Variants in RASGRP3 observed in about 807,000 individuals in gnomAD.
RASGRP3 encodes the protein RAS guanyl releasing protein 3.
Under a neutral mutation model 82.7 loss-of-function variants are expected in RASGRP3, and 54 were observed. That is an observed-to-expected ratio of 0.65 (90% CI 0.52 to 0.82). The LOEUF (loss-of-function observed/expected upper bound fraction) is 0.82. Ranked by LOEUF, RASGRP3 falls within the 40% of genes least tolerant of loss-of-function variation. The pLI is 0.00. For synonymous variants in RASGRP3, 309 were observed against 300.5 expected (o/e 1.03, Z -0.29); for missense variants, 861 against 828.9 (o/e 1.04, Z -0.48).
intron 1 of RASGRP3, among the ~76,000 whole-genome samples, chr2:33,505,112 C>A (rs1219610490): frequency 6.6e-6 from 1 of 151,730 alleles, no homozygotes; most frequent in Non-Finnish European, 1.5e-5. Flanking sequence ...GATTCCTCCT[C>A]TTCCTCCTCC....
intron 10 of RASGRP3, chr2:33,532,380 G>T (rs541065566): frequency 6.6e-6 from 1 of 152,326 alleles, no homozygotes; most frequent in South Asian, 2.1e-4. Context: ...CTAACAGAGA[G>T]TGGTGTCAGG....
rs2151101478 is a variant in RASGRP3, at chr2:33,553,681, T to C, written c.1543-1850T>C. On this transcript the variant is annotated intron_variant, in intron 14 of 17. Transcript: ENST00000403687. ...TCCTTGCTTCTACTTAGTTGTCAGA[T>C]AATCCTTCCTGTCCCTAAGACAAAA... 1.3e-5 allele frequency among the ~76,000 whole-genome samples: 2 copies of C among 152,366 alleles called. 1 individual carries two copies. The highest frequency in any genetic ancestry group is 4.1e-4 in the South Asian group (2 of 4,830).
chr2:33,502,566 C>T (rs1669975226), intron 1 of RASGRP3, among the ~76,000 whole-genome samples: 1 of 147,508 alleles, frequency 6.8e-6, no homozygotes, highest in African/African-American at 2.5e-5. Context: ...AGTGCAGTGG[C>T]AGAATCTCGG....
At chr2:33,456,916 T>G (rs1439724204) in intron 2 of RASGRP3, among the ~76,000 whole-genome samples, 1 of 150,804 alleles carries the variant, frequency 6.6e-6, no homozygotes, top group Non-Finnish European at 1.5e-5. Flanking sequence ...TTTTTTTTTT[T>G]TTTTTGAGAT....
rs997930261 is a variant in RASGRP3, at chr2:33,564,718, A to C, written c.*1981A>C. 1.3e-5 allele frequency: 2 copies of C among 152,186 alleles called. No homozygotes were observed. Among genetic ancestry groups the C allele is most frequent in the African/African-American group, 2.4e-5 (1 of 41,456 alleles). The allele number at this position is 152,186 out of a possible 1,614,324, so 9.4% of individuals were successfully genotyped here. On this transcript the variant is annotated 3_prime_UTR_variant, in exon 18 of 18. Coordinates refer to ENST00000403687, the MANE Select transcript of RASGRP3 (RefSeq NM_001139488.2). The stretch of plus-strand genomic sequence containing the variant: ...ATGTAACTTGAGTAAAAAATAAAAA[A>C]GAATAACTATGTATATACATATATA...
intron 10 of RASGRP3, chr2:33,531,861 C>T (rs944611540): frequency 1.3e-5 from 2 of 150,950 alleles, no homozygotes; most frequent in Non-Finnish European, 2.9e-5. Flanking sequence ...TCTGTCATCT[C>T]ATCTCCAGCA....
At chr2:33,490,778 C>T (rs929857138) in intron 1 of RASGRP3, among the ~76,000 whole-genome samples, 2 of 152,198 alleles carry the variant, frequency 1.3e-5, no homozygotes, top group African/African-American at 4.8e-5. Flanking sequence ...TCAGATCTTT[C>T]CCTGGAGCTC....
At chr2:33,478,707 C>T (rs761485870) in intron 1 of RASGRP3, among the ~76,000 whole-genome samples, 5 of 152,160 alleles carry the variant, frequency 3.3e-5, no homozygotes, top group Admixed American at 6.5e-5. Flanking sequence ...ATAGAATGTG[C>T]GATTTAACTC....
rs564636166 is a variant in RASGRP3, at chr2:33,451,578, A to C, written c.-261+3635A>C. 1.6e-4 allele frequency among the ~76,000 whole-genome samples: 24 copies of C among 152,262 alleles called. No individual in the cohort carries two copies. The South Asian group carries it at 4.8e-3, about 30-fold the overall frequency. On this transcript the variant is annotated intron_variant, in intron 2 of 18. Transcript: ENST00000402538. ...TAAGTTTTTAATCTATTTTGAGTTT[A>C]AGTTTTAATCTATTTTGAGTTCATT...
chr2:33,506,394 C>T (rs1294005402), intron 1 of RASGRP3, among the ~76,000 whole-genome samples: 1 of 152,186 alleles, frequency 6.6e-6, no homozygotes, highest in Non-Finnish European at 1.5e-5. Flanking sequence ...AGTAATTTAA[C>T]TTCTTTAGGC....
intron 1 of RASGRP3, among the ~76,000 whole-genome samples, chr2:33,493,729 T>C (rs758911098): frequency 6.6e-6 from 1 of 151,808 alleles, no homozygotes; most frequent in Non-Finnish European, 1.5e-5. Context: ...ATCCCTGCTA[T>C]CATTTTAGAC....
intron 13 of RASGRP3, among the ~76,000 whole-genome samples, chr2:33,547,829 G>A (rs1674952844): frequency 6.6e-6 from 1 of 152,044 alleles, no homozygotes; most frequent in Non-Finnish European, 1.5e-5. Context: ...GCTGGAGAAG[G>A]GGGAGCTGGA....
rs547473712 is a variant in RASGRP3 at position 33,451,936 on chromosome 2, C to G, written c.-261+3993C>G. 2.0e-5 allele frequency among the ~76,000 whole-genome samples: 3 copies of G among 151,850 alleles called. No individual in the cohort carries two copies. In the East Asian group the frequency reaches 5.8e-4, roughly 29 times the overall value. ...TTCTTCTTTGTTGTTGTTGTTGTTT[C>G]TCTGGCTGAATATTTCAAATGATCT... is the stretch of plus-strand genomic sequence containing the variant. On this transcript the variant is annotated intron_variant, in intron 2 of 18. Transcript: ENST00000402538.
intron 1 of RASGRP3, among the ~76,000 whole-genome samples, chr2:33,506,836 T>A (rs912975657): frequency 1.3e-5 from 2 of 152,214 alleles, no homozygotes; most frequent in African/African-American, 4.8e-5. Flanking sequence ...GTGTCATCAG[T>A]TGTGGTCCAT....
At position 33,513,976 on chromosome 2, in the gene RASGRP3, T is replaced by C. The variant is rs1340742213; in HGVS notation, c.-127-1034T>C. The C allele has an allele frequency of 2.6e-5, 4 of 152,348 alleles. No individual in the cohort carries two copies. In the East Asian group the frequency reaches 5.8e-4, roughly 22 times the overall value. 9.4% of individuals were successfully genotyped at this position (152,348 alleles called of 1,614,324 possible). A position where few individuals can be genotyped will look rare whatever the true frequency, so the allele number is the denominator to read the frequency against. ...AAGGGAACACAGAAGCTTTATTTTA[T>C]AGTGGAGTCCTGACTCTAGGCCTTA... On this transcript the variant is annotated intron_variant, in intron 2 of 17. Coordinates refer to ENST00000403687, the MANE Select transcript of RASGRP3 (RefSeq NM_001139488.2).
chr2:33,438,561 CCAA>C (rs1558386807), intron 1 of RASGRP3, among the ~76,000 whole-genome samples: 1 of 46,532 alleles, frequency 2.1e-5, no homozygotes. Flanking sequence ...GACTCCATCG[CCAA>C]AAAAAAAAAA....
chr2:33,460,843 C>A (rs1435100951), intron 2 of RASGRP3, among the ~76,000 whole-genome samples: 1 of 152,086 alleles, frequency 6.6e-6, no homozygotes, highest in Non-Finnish European at 1.5e-5. Context: ...ACATAAATCA[C>A]ACACACAGGA....
intron 2 of RASGRP3, among the ~76,000 whole-genome samples, chr2:33,514,315 T>C (rs1223943615): frequency 6.6e-6 from 1 of 152,010 alleles, no homozygotes; most frequent in Non-Finnish European, 1.5e-5. Context: ...ACATATTCTT[T>C]TATTAATATT....
intron 13 of RASGRP3, among the ~76,000 whole-genome samples, chr2:33,547,073 AAGAG>A (rs908684468): frequency 9.8e-4 from 136 of 138,898 alleles, no homozygotes; most frequent in East Asian, 4.3e-3. Flanking sequence ...AAAAAAAAAA[AAGAG>A]AGAGAGAATG....
Sources: allele counts gnomAD v4.1 joint callset (sites outside exome capture counted in the v4.1 genomes callset), GRCh38; gene constraint gnomAD v4.1.1; transcripts MANE v1.5; gene names NCBI Gene and HGNC (gene_info 2026-07-23, HGNC 2026-07-21).